Variants in FNBP4 observed in about 807,000 individuals in gnomAD.
The protein encoded by FNBP4 is formin-binding protein 4.
A neutral mutation model predicts 119.3 loss-of-function variants in FNBP4; 34 were observed. That is an observed-to-expected ratio of 0.28 (90% CI 0.22 to 0.38). The LOEUF (loss-of-function observed/expected upper bound fraction) is 0.38, where lower values mean the gene tolerates loss of function less well. Ranked by LOEUF, FNBP4 falls within the 10% of genes least tolerant of loss-of-function variation. The probability of loss-of-function intolerance (pLI) is 1.00; values close to 1 mark genes in which losing one functional copy is unlikely to be tolerated. For missense variants in FNBP4, 1,112 were observed against 1,228.9 expected (o/e 0.90, Z 1.42); for synonymous variants, 462 against 430.6 (o/e 1.07, Z -0.90).
intron 14 of FNBP4, 23 bp from the exon 15 acceptor site, chr11:47,723,339 A>G: frequency 1.3e-6 from 2 of 1,573,724 alleles, no homozygotes; most frequent in Non-Finnish European, 1.7e-6. Flanking sequence ...ACATAAAATG[A>G]TACTATAAAA....
At chr11:47,754,755 AACTT>A (rs1293256279) in intron 2 of FNBP4, 91 bp from the exon 3 acceptor site, 7 of 1,427,234 alleles carry the variant, frequency 4.9e-6, no homozygotes, top group Non-Finnish European at 5.7e-6. Context: ...GTTTTTTTTA[AACTT>A]ACTTACAGAT....
intron 2 of FNBP4, among the ~76,000 whole-genome samples, chr11:47,760,218 GT>G (rs940523592): frequency 1.1e-4 from 17 of 148,944 alleles, no homozygotes; most frequent in African/African-American, 4.2e-4. Flanking sequence ...TAAGCCTAGT[GT>G]TTGTGAGAAA....
chr11:47,719,910 G>T lies in FNBP4; in HGVS notation c.2963+19C>A. Reference sequence around the variant, plus strand: ...CCTACTCCAAAACCCCATCTCATCTGTGTTTCCTTTTCTTTTACCTAACCA... The same window carrying T: ...CCTACTCCAAAACCCCATCTCATCTTTGTTTCCTTTTCTTTTACCTAACCA... On this transcript the variant is annotated intron_variant, in intron 16 of 16. Coordinates refer to ENST00000263773, the MANE Select transcript of FNBP4 (RefSeq NM_015308.5). The T allele has an allele frequency of 1.2e-6, 2 of 1,613,074 alleles. No homozygotes were observed. Among genetic ancestry groups the T allele is most frequent in the South Asian group, 2.2e-5 (2 of 90,898 alleles).
chr11:47,753,087 T>C lies in FNBP4; in HGVS notation c.466A>G (p.Thr156Ala). 6.2e-7 allele frequency: 1 copy of C among 1,611,430 alleles called. No homozygotes were observed. The change falls in exon 4 of 17, where the codon ACA becomes GCA. Residue 156 changes from threonine to alanine, a missense_variant. Around this residue, in one of 2 missense-constraint regions of FNBP4, gnomAD observed 286 missense variants for 240.1 expected, o/e 1.19. Transcript: ENST00000263773. The part of the protein sequence containing the change: ...ANFLAEIDAI[T>A]APQPAAPVGA... Reference sequence around the variant, plus strand: ...ACAGGAGCTGCAGGCTGAGGAGCTGTTATGGCATCGATCTCCTTCAGTATG... The same window carrying C: ...ACAGGAGCTGCAGGCTGAGGAGCTGCTATGGCATCGATCTCCTTCAGTATG...
chr11:47,742,476 T>TGAAAAAAA (rs1322071518), intron 8 of FNBP4, among the ~76,000 whole-genome samples: 1 of 3,620 alleles, frequency 2.8e-4, no homozygotes, highest in Admixed American at 3.8e-3. Context: ...AGACTCCGTC[T>TGAAAAAAA]CAAAAAAAAA....
At chr11:47,760,467 T>C (rs1425188572) in intron 2 of FNBP4, among the ~76,000 whole-genome samples, 2 of 150,824 alleles carry the variant, frequency 1.3e-5, no homozygotes, top group East Asian at 3.9e-4. Context: ...GGAGTCTCAC[T>C]GTCACCCAGG....
At chr11:47,736,804 T>A (rs1030184621) in intron 8 of FNBP4, 64 bp from the exon 9 acceptor site, 1 of 1,389,100 alleles carries the variant, frequency 7.2e-7, no homozygotes, top group Non-Finnish European at 9.9e-7. Context: ...ATATACCTTT[T>A]CCCCCATAGC....
intron 12 of FNBP4, chr11:47,725,546 A>C (rs1407921286): frequency 6.5e-6 from 1 of 152,836 alleles, no homozygotes. Flanking sequence ...ATAAATCTTC[A>C]AAGTATATAA....
At chr11:47,743,370 C>T (rs1201547505) in intron 8 of FNBP4, among the ~76,000 whole-genome samples, 1 of 152,100 alleles carries the variant, frequency 6.6e-6, no homozygotes, top group African/African-American at 2.4e-5. Flanking sequence ...ATAATCCCAG[C>T]TACTCGGGAG....
At chr11:47,751,579 T>C (rs952303361) in intron 4 of FNBP4, among the ~76,000 whole-genome samples, 4 of 152,082 alleles carry the variant, frequency 2.6e-5, no homozygotes, top group Non-Finnish European at 4.4e-5. Context: ...CCAACACTGG[T>C]TGAGAACCAC....
At chr11:47,719,134 C>T (rs931795746) in intron 16 of FNBP4, among the ~76,000 whole-genome samples, 2 of 151,822 alleles carry the variant, frequency 1.3e-5, no homozygotes, top group African/African-American at 2.4e-5. Context: ...GTGATCCACC[C>T]GCCTTGGCCT....
At position 47,748,975 on chromosome 11, in the gene FNBP4, T is replaced by G. The variant is rs987374634; in HGVS notation, c.906+1941A>C. On this transcript the variant is annotated intron_variant, in intron 6 of 16. Transcript: ENST00000263773. Reference sequence around the variant, plus strand: ...TTATATTATTTTAAAGTATTTTTTTTGGGCTACATGCAGTAGCTCACACCT... The same window carrying G: ...TTATATTATTTTAAAGTATTTTTTTGGGGCTACATGCAGTAGCTCACACCT... Among the ~76,000 whole-genome samples, 4 of 152,086 alleles carry G rather than the reference T, an allele frequency of 2.6e-5. No homozygotes were observed. The East Asian group carries it at 7.7e-4, about 29-fold the overall frequency.
Position 47,751,232 on chromosome 11 carries a change from A to G in FNBP4, c.696T>C (p.Tyr232=), listed in dbSNP as rs1221179650. The change falls in exon 5 of 17, where the codon TAT becomes TAC. Residue 232 remains tyrosine, a synonymous_variant. Coordinates refer to ENST00000263773, the MANE Select transcript of FNBP4 (RefSeq NM_015308.5). ...EVWDENTGCY[Y]YWNTQTNEVT... ...CTTCATTTGTTTGTGTATTCCAATA[A>G]TAATAACATCCCGTGTTCTCATCCC... 9 of 1,614,022 alleles carry G rather than the reference A, an allele frequency of 5.6e-6. No homozygotes were observed.
chr11:47,726,550 T>C (rs2135084652), intron 12 of FNBP4: 1 of 152,244 alleles, frequency 6.6e-6, no homozygotes, highest in South Asian at 2.1e-4. Flanking sequence ...CACTGTCTCC[T>C]TATTTTAAGA....
rs961869923 is a variant in FNBP4, at chr11:47,716,699, T to C, written c.*723A>G. The C allele has an allele frequency of 6.6e-6, 1 of 152,650 alleles. No individual in the cohort carries two copies. The highest frequency in any genetic ancestry group is 1.5e-5 in the Non-Finnish European group (1 of 68,046). The allele number at this position is 152,650 out of a possible 1,614,324, so 9.5% of individuals were successfully genotyped here. A position where few individuals can be genotyped will look rare whatever the true frequency, so the allele number is the denominator to read the frequency against. On this transcript the variant is annotated 3_prime_UTR_variant, in exon 17 of 17. Coordinates refer to ENST00000263773, the MANE Select transcript of FNBP4 (RefSeq NM_015308.5). ...CTGCTTTTTAAATACTGGAATTTTATGGAGAATACATTCACATAAAGAAAG... is the reference window on the plus strand; with the variant it reads ...CTGCTTTTTAAATACTGGAATTTTACGGAGAATACATTCACATAAAGAAAG...
chr11:47,762,520 A>ACTC (rs1252580344), intron 2 of FNBP4, among the ~76,000 whole-genome samples: 7 of 150,502 alleles, frequency 4.7e-5, no homozygotes, highest in African/African-American at 1.5e-4. Context: ...GCAGCCTTGA[A>ACTC]CTCCTGGGCT....
At chr11:47,758,510 T>C (rs1347535732) in intron 2 of FNBP4, among the ~76,000 whole-genome samples, 1 of 152,022 alleles carries the variant, frequency 6.6e-6, no homozygotes, top group East Asian at 1.9e-4. Context: ...CCACAAAATA[T>C]AGGTGTGAGC....
At chr11:47,743,898 T>A in intron 8 of FNBP4, 55 bp downstream of exon 8, 5 of 1,491,646 alleles carry the variant, frequency 3.4e-6, no homozygotes, top group Non-Finnish European at 4.6e-6. Context: ...AAGACAAGAG[T>A]TTCCTTCCCC....
In FNBP4 at chr11:47,723,213, C is replaced by T. The variant is rs1259601662; in HGVS notation, c.2568G>A (p.Met856Ile). Reference protein sequence around the residue: ...AAGMGHQARGMSLQSNYLGLA... With the variant: ...AAGMGHQARGISLQSNYLGLA... ...GTCCAAGGTAATTTGACTGCAGGCTCATTCCTCTGGCCTGATGACCCATTC... is the reference window on the plus strand; with the variant it reads ...GTCCAAGGTAATTTGACTGCAGGCTTATTCCTCTGGCCTGATGACCCATTC... The change falls in exon 15 of 17, where the codon ATG becomes ATA. Residue 856 changes from methionine to isoleucine, a missense_variant. Met to Ile is a conservative substitution (Grantham distance 10). This residue lies in a region of FNBP4 where 826 missense variants were observed against 988.8 expected (regional missense o/e 0.84). Coordinates refer to ENST00000263773, the MANE Select transcript of FNBP4 (RefSeq NM_015308.5). 2.5e-6 allele frequency: 4 copies of T among 1,614,068 alleles called. No individual in the cohort carries two copies. The highest frequency in any genetic ancestry group is 3.4e-6 in the Non-Finnish European group (4 of 1,180,042).
Sources: allele counts gnomAD v4.1 joint callset (sites outside exome capture counted in the v4.1 genomes callset), GRCh38; gene constraint gnomAD v4.1.1; regional missense constraint gnomAD v4.1.1; transcripts MANE v1.5; gene names NCBI Gene and HGNC (gene_info 2026-07-23, HGNC 2026-07-21).